The following CACNA2D3 variants were observed in gnomAD, a reference collection of about 807,000 sequenced individuals.
CACNA2D3 encodes the protein voltage-dependent calcium channel subunit alpha-2/delta-3.
CACNA2D3 carries 60 observed loss-of-function variants against 160.6 expected under a neutral mutation model. That is an observed-to-expected ratio of 0.37 (90% confidence interval 0.30 to 0.46). The LOEUF is 0.46. Ranked by LOEUF, CACNA2D3 falls within the 20% of genes least tolerant of loss-of-function variation. The probability of loss-of-function intolerance (pLI) is 1.00; values close to 1 mark genes in which losing one functional copy is unlikely to be tolerated. For synonymous variants in CACNA2D3, 558 were observed against 492.9 expected (o/e 1.13, Z -1.75); for missense variants, 1,205 against 1,365.0 (o/e 0.88, Z 1.85).
intron 3 of CACNA2D3, among the ~76,000 whole-genome samples, chr3:54,349,689 TC>T (rs1698518170): frequency 6.6e-6 from 1 of 152,004 alleles, no homozygotes; most frequent in Admixed American, 6.6e-5. Flanking sequence ...GAAAAATCAC[TC>T]CCCCCTCCCC....
At chr3:54,605,795 G>A (rs905370847) in intron 9 of CACNA2D3, among the ~76,000 whole-genome samples, 3 of 152,196 alleles carry the variant, frequency 2.0e-5, no homozygotes, top group African/African-American at 7.2e-5. Flanking sequence ...AGATAAGTGA[G>A]TTTGTACTAA....
intron 2 of CACNA2D3, among the ~76,000 whole-genome samples, chr3:54,181,449 T>G (rs1700780474): frequency 6.6e-6 from 1 of 152,210 alleles, no homozygotes; most frequent in Non-Finnish European, 1.5e-5. Context: ...ACAATAGGTA[T>G]GGGTAGGCAT....
intron 29 of CACNA2D3, among the ~76,000 whole-genome samples, chr3:54,971,409 G>A (rs748157771): frequency 2.6e-5 from 4 of 152,200 alleles, no homozygotes; most frequent in Non-Finnish European, 5.9e-5. Flanking sequence ...CACTTGCACA[G>A]TGGGTATAAT....
intron 11 of CACNA2D3, among the ~76,000 whole-genome samples, chr3:54,733,906 T>A (rs1203295493): frequency 6.6e-6 from 1 of 152,114 alleles, no homozygotes; most frequent in Non-Finnish European, 1.5e-5. Flanking sequence ...CAGCTGGGAT[T>A]TATGCCATCT....
At chr3:54,138,365 T>C (rs1699856714) in intron 2 of CACNA2D3, among the ~76,000 whole-genome samples, 1 of 152,118 alleles carries the variant, frequency 6.6e-6, no homozygotes, top group Non-Finnish European at 1.5e-5. Flanking sequence ...AGCGGGGAGA[T>C]TGGAAGAGGG....
intron 13 of CACNA2D3, among the ~76,000 whole-genome samples, chr3:54,787,763 C>T (rs553994781): frequency 2.6e-5 from 4 of 152,218 alleles, no homozygotes; most frequent in Admixed American, 6.5e-5. Flanking sequence ...GCTATGCAGA[C>T]GAAAGTTAGT....
intron 30 of CACNA2D3, among the ~76,000 whole-genome samples, chr3:54,984,992 G>A (rs1328891100): frequency 1.3e-5 from 2 of 152,162 alleles, no homozygotes; most frequent in Non-Finnish European, 2.9e-5. Context: ...TGCCTCGAGG[G>A]TGGGGTGCCT....
chr3:54,297,442 C>T (rs748780149), intron 2 of CACNA2D3, among the ~76,000 whole-genome samples: 1 of 143,688 alleles, frequency 7.0e-6, no homozygotes, highest in Non-Finnish European at 1.6e-5. Context: ...TAACCCAACT[C>T]TCAGTTAGGA....
At chr3:54,275,643 A>C (rs1702723472) in intron 2 of CACNA2D3, among the ~76,000 whole-genome samples, 1 of 144,750 alleles carries the variant, frequency 6.9e-6, no homozygotes, top group African/African-American at 2.5e-5. Flanking sequence ...TTTGAGACAA[A>C]GTCTCACTCT....
chr3:54,344,572 T>C (rs929359551), intron 3 of CACNA2D3, among the ~76,000 whole-genome samples: 8 of 152,214 alleles, frequency 5.3e-5, no homozygotes, highest in Admixed American at 5.2e-4. Context: ...AACTTTTCTC[T>C]AGGTGGAGAC....
At chr3:54,662,525 C>T (rs1338042907) in intron 11 of CACNA2D3, among the ~76,000 whole-genome samples, 1 of 152,158 alleles carries the variant, frequency 6.6e-6, no homozygotes, top group East Asian at 1.9e-4. Flanking sequence ...CCAAGAATTC[C>T]CTGTTTCTCT....
intron 11 of CACNA2D3, among the ~76,000 whole-genome samples, chr3:54,728,910 C>G (rs576281421): frequency 2.6e-5 from 4 of 152,150 alleles, no homozygotes; most frequent in Non-Finnish European, 5.9e-5. Flanking sequence ...TAGCTGCTTT[C>G]TACTTGGTTT....
intron 35 of CACNA2D3, among the ~76,000 whole-genome samples, chr3:55,035,559 C>A (rs1291298008): frequency 6.6e-6 from 1 of 152,162 alleles, no homozygotes; most frequent in African/African-American, 2.4e-5. Flanking sequence ...TATTTCAGTT[C>A]ACAGTAAATC....
chr3:54,804,033 C>T (rs1203879273), intron 13 of CACNA2D3, among the ~76,000 whole-genome samples: 1 of 151,776 alleles, frequency 6.6e-6, no homozygotes, highest in Non-Finnish European at 1.5e-5. Flanking sequence ...CCAGGCCTGC[C>T]CTAAAAGAGC....
intron 2 of CACNA2D3, among the ~76,000 whole-genome samples, chr3:54,242,418 G>T (rs1011016108): frequency 5.3e-5 from 8 of 152,124 alleles, no homozygotes; most frequent in African/African-American, 1.9e-4. Context: ...ACTCCAGCCT[G>T]GGGGACAGAG....
intron 3 of CACNA2D3, among the ~76,000 whole-genome samples, chr3:54,369,005 G>A (rs1173016413): frequency 1.3e-5 from 2 of 151,918 alleles, no homozygotes; most frequent in African/African-American, 4.8e-5. Context: ...CCGGCCGGCA[G>A]TAGGGTTCTC....
At chr3:54,686,403 A>G (rs1303910837) in intron 11 of CACNA2D3, among the ~76,000 whole-genome samples, 2 of 152,242 alleles carry the variant, frequency 1.3e-5, no homozygotes, top group African/African-American at 2.4e-5. Flanking sequence ...CAGGAAGGAT[A>G]TAAATTTGTT....
intron 2 of CACNA2D3, among the ~76,000 whole-genome samples, chr3:54,228,239 G>T (rs1701709278): frequency 6.6e-6 from 1 of 152,166 alleles, no homozygotes; most frequent in African/African-American, 2.4e-5. Flanking sequence ...GTTCAGTTTG[G>T]CTTCCTTCAC....
intron 4 of CACNA2D3, among the ~76,000 whole-genome samples, chr3:54,389,488 T>C (rs958212767): frequency 1.3e-5 from 2 of 152,118 alleles, no homozygotes; most frequent in African/African-American, 4.8e-5. Flanking sequence ...AAGTTACTCA[T>C]CAATTACAAA....
Sources: gnomAD v4.1 joint callset for allele counts (sites outside exome capture counted in the v4.1 genomes callset) on GRCh38, gnomAD v4.1.1 for gene constraint, MANE v1.5 for transcripts, NCBI Gene and HGNC (gene_info 2026-07-23, HGNC 2026-07-21) for gene names.